Variants in CSMD1 observed in about 807,000 individuals in gnomAD.
The protein encoded by CSMD1 is CUB and Sushi multiple domains 1.
In CSMD1, 213 loss-of-function variants were observed where a neutral mutation model predicts 417.5. The ratio of observed to expected loss-of-function variants is 0.51; its 90% CI spans 0.46 to 0.57. The LOEUF is 0.57. CSMD1 is among the 20% of genes least tolerant of loss of function. CSMD1 has a pLI of 0.00. For missense variants in CSMD1, 6,923 were observed against 4,529.7 expected, an observed-to-expected ratio of 1.53 and a Z score of -15.17; for synonymous variants, 2,862 against 1,736.8, an observed-to-expected ratio of 1.65 and a Z score of -16.11.
intron 1 of CSMD1, among the ~76,000 whole-genome samples, chr8:4,725,054 G>C (rs1809335088): frequency 6.6e-6 from 1 of 152,080 alleles, no homozygotes; most frequent in Non-Finnish European, 1.5e-5. Flanking sequence ...AAACATAAAA[G>C]GGGAAATGTG....
intron 2 of CSMD1, among the ~76,000 whole-genome samples, chr8:4,531,923 G>A (rs1796837645): frequency 6.8e-6 from 1 of 147,972 alleles, no homozygotes; most frequent in African/African-American, 2.5e-5. Context: ...AAGAAATCCT[G>A]CAAGCCCATT....
chr8:4,948,074 G>T (rs997202601), intron 1 of CSMD1, among the ~76,000 whole-genome samples: 1 of 147,188 alleles, frequency 6.8e-6, no homozygotes, highest in African/African-American at 2.7e-5. Flanking sequence ...AGAATTTCAA[G>T]AACATTAATT....
rs1321396066 is a variant in CSMD1 at position 3,775,154 on chromosome 8, C to T, written c.819-21112G>A. Among the ~76,000 whole-genome samples, 3 of 152,194 alleles carry T rather than the reference C, an allele frequency of 2.0e-5. No individual in the cohort carries two copies. In the East Asian group the frequency reaches 5.8e-4, roughly 29 times the overall value. On this transcript the variant is annotated intron_variant, in intron 5 of 69. Transcript: ENST00000635120. ...AACTGAAACTGCAGATAAGGAGGAACTACTGTATTTCTTTATTTATACCAA... is the reference window on the plus strand; with the variant it reads ...AACTGAAACTGCAGATAAGGAGGAATTACTGTATTTCTTTATTTATACCAA...
chr8:4,780,306 A>G (rs1354707781), intron 1 of CSMD1, among the ~76,000 whole-genome samples: 1 of 152,220 alleles, frequency 6.6e-6, no homozygotes, highest in Non-Finnish European at 1.5e-5. Flanking sequence ...ACTGCGCTAT[A>G]TAATGGGGCT....
At chr8:4,306,238 A>G (rs1798237724) in intron 3 of CSMD1, among the ~76,000 whole-genome samples, 1 of 152,212 alleles carries the variant, frequency 6.6e-6, no homozygotes, top group Non-Finnish European at 1.5e-5. Flanking sequence ...ATATCACGAC[A>G]CTAACAATAC....
intron 5 of CSMD1, among the ~76,000 whole-genome samples, chr8:3,967,132 C>G (rs1039020412): frequency 2.6e-5 from 4 of 151,602 alleles, no homozygotes; most frequent in African/African-American, 9.7e-5. Context: ...CTAATTTTGT[C>G]TATTTGCATC....
chr8:3,596,624 A>T (rs919628762), intron 8 of CSMD1, among the ~76,000 whole-genome samples: 2 of 152,202 alleles, frequency 1.3e-5, no homozygotes, highest in Non-Finnish European at 2.9e-5. Context: ...TACACTTGGC[A>T]AAACTTTGCA....
At chr8:3,318,797 C>T (rs770714646) in intron 23 of CSMD1, among the ~76,000 whole-genome samples, 1 of 152,162 alleles carries the variant, frequency 6.6e-6, no homozygotes, top group Non-Finnish European at 1.5e-5. Flanking sequence ...GCAGCCCACA[C>T]ACACAGACAG....
chr8:4,316,746 G>C (rs78535218), intron 3 of CSMD1, among the ~76,000 whole-genome samples: 331 of 152,184 alleles, frequency 2.2e-3, no homozygotes, highest in African/African-American at 6.9e-3. Flanking sequence ...AAATAAGAAA[G>C]TGGTCGAACG....
chr8:4,035,200 G>A (rs1477606166), intron 3 of CSMD1, among the ~76,000 whole-genome samples: 1 of 152,052 alleles, frequency 6.6e-6, no homozygotes, highest in Non-Finnish European at 1.5e-5. Context: ...AGGTCGTAGT[G>A]CCAGCTATGA....
intron 26 of CSMD1, among the ~76,000 whole-genome samples, chr8:3,251,498 G>A (rs1488230263): frequency 2.6e-5 from 4 of 152,196 alleles, no homozygotes; most frequent in Admixed American, 6.5e-5. Flanking sequence ...CAGGTAGCAT[G>A]ATGCCTCCAG....
chr8:3,317,178 G>C (rs1805830594), intron 23 of CSMD1, among the ~76,000 whole-genome samples: 2 of 152,162 alleles, frequency 1.3e-5, no homozygotes, highest in Non-Finnish European at 2.9e-5. Flanking sequence ...GTCACATAAT[G>C]ATTCTGATCT....
intron 6 of CSMD1, among the ~76,000 whole-genome samples, chr8:3,753,095 G>C (rs906967283): frequency 6.6e-6 from 1 of 152,168 alleles, no homozygotes; most frequent in African/African-American, 2.4e-5. Context: ...GCACTGCAGG[G>C]CTTGGTGTCC....
At chr8:3,485,539 AG>A in intron 11 of CSMD1, among the ~76,000 whole-genome samples, 1 of 32,674 alleles carries the variant, frequency 3.1e-5, no homozygotes, top group East Asian at 6.8e-4. Flanking sequence ...ACACACACAC[AG>A]AGAGAGAGAG....
At chr8:2,979,830 C>A (rs577356146) in intron 54 of CSMD1, among the ~76,000 whole-genome samples, 1 of 152,240 alleles carries the variant, frequency 6.6e-6, no homozygotes, top group Non-Finnish European at 1.5e-5. Context: ...ATCAAAAAAG[C>A]CAAAACAAAC....
At chr8:3,984,060 T>C (rs1007604167) in intron 5 of CSMD1, among the ~76,000 whole-genome samples, 4 of 109,828 alleles carry the variant, frequency 3.6e-5, no homozygotes, top group Non-Finnish European at 7.9e-5. Flanking sequence ...GGGCTGTCAA[T>C]TGCAGCTCTA....
intron 10 of CSMD1, among the ~76,000 whole-genome samples, chr8:3,513,377 C>T (rs1312668876): frequency 6.7e-6 from 1 of 149,712 alleles, no homozygotes; most frequent in East Asian, 2.0e-4. Flanking sequence ...ACTTTGTTAC[C>T]CAGGCTGGTG....
intron 7 of CSMD1, among the ~76,000 whole-genome samples, chr8:3,683,234 TA>T (rs1008260826): frequency 2.0e-4 from 30 of 151,366 alleles, no homozygotes; most frequent in Non-Finnish European, 2.9e-4. Flanking sequence ...AATAAAATAA[TA>T]AAAAATAAAT....
At chr8:3,102,086 T>C (rs1021196635) in intron 46 of CSMD1, among the ~76,000 whole-genome samples, 2 of 152,136 alleles carry the variant, frequency 1.3e-5, no homozygotes, top group Admixed American at 1.3e-4. Flanking sequence ...GTGATAAGTT[T>C]CAAAGCACAA....
Sources: gnomAD v4.1 joint callset for allele counts (sites outside exome capture counted in the v4.1 genomes callset) on GRCh38, gnomAD v4.1.1 for gene constraint, MANE v1.5 for transcripts, NCBI Gene and HGNC (gene_info 2026-07-23, HGNC 2026-07-21) for gene names.